DLGAP2: variants seen among roughly 807,000 people sequenced by gnomAD.
DLGAP2 encodes disks large-associated protein 2.
Under a neutral mutation model 100.3 loss-of-function variants are expected in DLGAP2, and 26 were observed. That is an observed-to-expected ratio of 0.26 (90% CI 0.19 to 0.36). The LOEUF is 0.36. Among genes scored for constraint, DLGAP2 ranks in the 10% least tolerant of loss-of-function variants. The pLI is 1.00. For synonymous variants in DLGAP2, 886 were observed against 630.1 expected (o/e 1.41, Z -6.08); for missense variants, 1,858 against 1,453.2 (o/e 1.28, Z -4.53).
chr8:778,894 G>A (rs1016963762), intron 1 of DLGAP2, among the ~76,000 whole-genome samples: 2 of 152,226 alleles, frequency 1.3e-5, no homozygotes, highest in African/African-American at 4.8e-5. Flanking sequence ...CGGCTGCTTT[G>A]TTTACCTAAG....
intron 4 of DLGAP2, among the ~76,000 whole-genome samples, chr8:1,522,695 G>A (rs545750568): frequency 6.6e-6 from 1 of 152,316 alleles, no homozygotes; most frequent in Non-Finnish European, 1.5e-5. Flanking sequence ...GCAGAAAGAG[G>A]GAGAATGAGT....
chr8:1,150,574 C>A (rs1796680970), intron 2 of DLGAP2, among the ~76,000 whole-genome samples: 1 of 152,162 alleles, frequency 6.6e-6, no homozygotes, highest in African/African-American at 2.4e-5. Context: ...ATGCCTCATT[C>A]CTATGAATCT....
At chr8:1,591,612 A>G (rs1202686660) in intron 6 of DLGAP2, among the ~76,000 whole-genome samples, 5 of 152,026 alleles carry the variant, frequency 3.3e-5, no homozygotes, top group Admixed American at 2.6e-4. Context: ...TGTGGGTAAA[A>G]TGACCCACAC....
At chr8:877,822 A>G (rs1001533934) in intron 1 of DLGAP2, among the ~76,000 whole-genome samples, 1 of 152,172 alleles carries the variant, frequency 6.6e-6, no homozygotes, top group South Asian at 2.1e-4. Flanking sequence ...ATTGTGTTCC[A>G]CGGCTCTGAA....
At chr8:1,194,083 G>A (rs201043121) in intron 2 of DLGAP2, among the ~76,000 whole-genome samples, 2 of 152,180 alleles carry the variant, frequency 1.3e-5, no homozygotes, top group East Asian at 1.9e-4. Flanking sequence ...CTGGGATGCC[G>A]CAGTATACCA....
At chr8:1,574,353 C>G (rs1312006713) in intron 6 of DLGAP2, among the ~76,000 whole-genome samples, 1 of 152,128 alleles carries the variant, frequency 6.6e-6, no homozygotes, top group African/African-American at 2.4e-5. Context: ...CATCCCAGCC[C>G]TCGCCGCTCT....
intron 2 of DLGAP2, among the ~76,000 whole-genome samples, chr8:911,351 T>C (rs1252253189): frequency 6.6e-6 from 1 of 151,418 alleles, no homozygotes; most frequent in African/African-American, 2.4e-5. Context: ...ATAACGTACA[T>C]TGGGAGGATA....
chr8:1,303,302 CAGG>C (rs1234572467), intron 3 of DLGAP2, among the ~76,000 whole-genome samples: 1 of 150,890 alleles, frequency 6.6e-6, no homozygotes, highest in African/African-American at 2.4e-5. Flanking sequence ...GAGGCTGAGG[CAGG>C]AGAATCGTTT....
chr8:1,172,938 T>C (rs1797161585), intron 2 of DLGAP2, among the ~76,000 whole-genome samples: 2 of 152,216 alleles, frequency 1.3e-5, no homozygotes, highest in South Asian at 4.1e-4. Context: ...CTGTGATGCT[T>C]TGGAGGAGGA....
At chr8:1,615,825 A>G (rs1487817249) in intron 6 of DLGAP2, among the ~76,000 whole-genome samples, 1 of 152,222 alleles carries the variant, frequency 6.6e-6, no homozygotes, top group African/African-American at 2.4e-5. Context: ...TCTTTAAAGC[A>G]GCCATTGTAA....
intron 1 of DLGAP2, among the ~76,000 whole-genome samples, chr8:770,319 C>A (rs575867362): frequency 6.6e-6 from 1 of 152,092 alleles, no homozygotes; most frequent in Non-Finnish European, 1.5e-5. Flanking sequence ...GCTCCTCCTC[C>A]GTGTCCTCCG....
chr8:795,952 C>T (rs1796023167), intron 1 of DLGAP2, among the ~76,000 whole-genome samples: 2 of 144,400 alleles, frequency 1.4e-5, no homozygotes, highest in African/African-American at 5.1e-5. Flanking sequence ...CCAGTGAGAG[C>T]AGGCGTCCAG....
In DLGAP2 at chr8:1,628,807, C is replaced by T. The variant is rs562186776; in HGVS notation, c.1590+1920C>T. On this transcript the variant is annotated intron_variant, in intron 7 of 14. Coordinates refer to ENST00000637795, the MANE Select transcript of DLGAP2 (RefSeq NM_001346810.2). ...GAGCGCAGGGATTAAGAGCCTGAGC[C>T]GACCTCACATTCTCTCTGACTTACT... Among the ~76,000 whole-genome samples the T allele has an allele frequency of 3.3e-3, 501 of 151,064 alleles. 2 individuals are homozygous for T. The highest frequency in any genetic ancestry group is 4.9e-3 in the Non-Finnish European group (332 of 67,836).
chr8:1,252,373 G>T (rs1799065234), intron 2 of DLGAP2, among the ~76,000 whole-genome samples: 1 of 144,368 alleles, frequency 6.9e-6, no homozygotes, highest in Admixed American at 6.9e-5. Flanking sequence ...CCACACTGTG[G>T]TGTTGTCACA....
intron 1 of DLGAP2, among the ~76,000 whole-genome samples, chr8:769,628 G>C (rs1044341646): frequency 6.6e-6 from 1 of 152,134 alleles, no homozygotes; most frequent in Admixed American, 6.5e-5. Flanking sequence ...CTGTGGTGAC[G>C]TGTTGGGATT....
In DLGAP2 at chr8:1,196,038, C is replaced by A. The variant is rs118110375; in HGVS notation, c.74-62813C>A. Reference sequence around the variant, plus strand: ...TTAAGCTTCTCTCAAATAGCCATGACGTAGAGAAAAATGAAACTGAGGCCA... The same window carrying A: ...TTAAGCTTCTCTCAAATAGCCATGAAGTAGAGAAAAATGAAACTGAGGCCA... On this transcript the variant is annotated intron_variant, in intron 2 of 14. Coordinates refer to ENST00000637795, the MANE Select transcript of DLGAP2 (RefSeq NM_001346810.2). Among the ~76,000 whole-genome samples the A allele has an allele frequency of 4.8e-4, 73 of 152,276 alleles. No homozygotes were observed. The East Asian group carries it at 0.014, about 29-fold the overall frequency.
intron 6 of DLGAP2, among the ~76,000 whole-genome samples, chr8:1,603,961 C>T (rs552371886): frequency 6.6e-6 from 1 of 152,194 alleles, no homozygotes; most frequent in Admixed American, 6.5e-5. Flanking sequence ...CCAACCCCCA[C>T]CTCCCCACAT....
intron 3 of DLGAP2, among the ~76,000 whole-genome samples, chr8:1,269,683 T>G (rs773998884): frequency 3.3e-5 from 5 of 152,006 alleles, no homozygotes; most frequent in Non-Finnish European, 7.4e-5. Context: ...CACCCCAGAA[T>G]AGAATGACTG....
At chr8:1,214,265 A>C (rs570596083) in intron 2 of DLGAP2, among the ~76,000 whole-genome samples, 21 of 152,256 alleles carry the variant, frequency 1.4e-4, no homozygotes, top group Admixed American at 1.4e-3. Context: ...CCCAGGTGGA[A>C]CTGGGAGTAG....
Sources: gnomAD v4.1 joint callset for allele counts (sites outside exome capture counted in the v4.1 genomes callset) on GRCh38, gnomAD v4.1.1 for gene constraint, MANE v1.5 for transcripts, NCBI Gene and HGNC (gene_info 2026-07-23, HGNC 2026-07-21) for gene names.